The following PLCL1 variants were observed in gnomAD, a reference collection of about 807,000 sequenced individuals.
PLCL1 encodes the protein inactive phospholipase C-like protein 1.
Under a neutral mutation model 84.4 loss-of-function variants are expected in PLCL1, and 41 were observed. The observed-to-expected ratio is 0.49, with a 90% CI of 0.38 to 0.63. PLCL1 has a LOEUF of 0.63. PLCL1 is among the 30% of genes least tolerant of loss of function. The pLI is 0.00. For synonymous variants in PLCL1, 490 were observed against 488.3 expected, an observed-to-expected ratio of 1.00 and a Z score of -0.05; for missense variants, 1,206 against 1,367.8, an observed-to-expected ratio of 0.88 and a Z score of 1.87.
chr2:197,936,241 C>T (rs1689051657), intron 1 of PLCL1, among the ~76,000 whole-genome samples: 3 of 151,486 alleles, frequency 2.0e-5, no homozygotes, highest in Non-Finnish European at 4.4e-5. Context: ...GCAGATATCT[C>T]TTCAGCATAT....
At chr2:198,024,823 GCAT>G (rs893122254) in intron 1 of PLCL1, among the ~76,000 whole-genome samples, 2 of 151,264 alleles carry the variant, frequency 1.3e-5, no homozygotes, top group African/African-American at 4.8e-5. Flanking sequence ...CTTTTATGTG[GCAT>G]CATGAAAATT....
rs576164186 is a variant in PLCL1, at chr2:197,827,343, A to G, written c.240+22004A>G. On this transcript the variant is annotated intron_variant, in intron 1 of 5. Coordinates refer to ENST00000428675, the MANE Select transcript of PLCL1 (RefSeq NM_006226.4). ...CTCACATTCCAGTTTATGAGATGACACTGTGTGTATATATGCATATAAATA... is the reference window on the plus strand; with the variant it reads ...CTCACATTCCAGTTTATGAGATGACGCTGTGTGTATATATGCATATAAATA... 4.5e-4 allele frequency among the ~76,000 whole-genome samples: 68 copies of G among 152,192 alleles called. 2 individuals are homozygous for G. The South Asian group carries it at 1.0e-2, about 22-fold the overall frequency.
intron 1 of PLCL1, among the ~76,000 whole-genome samples, chr2:198,061,021 G>T (rs184193497): frequency 2.0e-5 from 3 of 152,206 alleles, no homozygotes; most frequent in Admixed American, 6.5e-5. Context: ...AGCTACTTTG[G>T]GGGTAAACAA....
intron 1 of PLCL1, among the ~76,000 whole-genome samples, chr2:197,830,834 C>T (rs1277182975): frequency 1.3e-5 from 2 of 152,170 alleles, no homozygotes; most frequent in Non-Finnish European, 2.9e-5. Context: ...TCTGCAGAAA[C>T]CATGCAAGCC....
chr2:197,814,849 A>T (rs532382014), intron 1 of PLCL1, among the ~76,000 whole-genome samples: 1 of 152,342 alleles, frequency 6.6e-6, no homozygotes, highest in East Asian at 1.9e-4. Context: ...CTTAAGCCAA[A>T]GTCTAATTCA....
At chr2:197,980,752 A>T (rs141286861) in intron 1 of PLCL1, among the ~76,000 whole-genome samples, 296 of 152,338 alleles carry the variant, frequency 1.9e-3, no homozygotes, top group African/African-American at 6.9e-3. Context: ...GATCATAGCT[A>T]ATACTATGGA....
At chr2:198,132,457 G>T (rs879581533) in intron 5 of PLCL1, among the ~76,000 whole-genome samples, 97 of 149,978 alleles carry the variant, frequency 6.5e-4, no homozygotes, top group South Asian at 1.3e-3. Context: ...GTGTTTTTTT[G>T]GGGGGGGGAG....
At position 198,095,601 on chromosome 2, in the gene PLCL1, G is replaced by A. The variant is rs374032172; in HGVS notation, c.2920-5684G>A. ...GTGCTTCAGCAGCTTACCAGCAGGA[G>A]ATGTAACCTGGTGAGGTACTACCCA... On this transcript the variant is annotated intron_variant, in intron 3 of 5. Transcript: ENST00000428675. Among the ~76,000 whole-genome samples the A allele has an allele frequency of 5.3e-5, 8 of 152,320 alleles. No individual in the cohort carries two copies. In the East Asian group the frequency reaches 1.2e-3, roughly 22 times the overall value.
chr2:197,903,503 A>G (rs1440695970), intron 1 of PLCL1, among the ~76,000 whole-genome samples: 1 of 35,392 alleles, frequency 2.8e-5, no homozygotes, highest in Non-Finnish European at 4.5e-5. Context: ...TTTTTTTTTG[A>G]GACGGAGTCT....
chr2:197,810,246 TG>T, intron 1 of PLCL1: 1 of 1,183,870 alleles, frequency 8.4e-7, no homozygotes. Flanking sequence ...ACCTTAGAAG[TG>T]GTTGCTTCTT....
At chr2:197,820,618 A>G (rs1690796747) in intron 1 of PLCL1, among the ~76,000 whole-genome samples, 1 of 152,176 alleles carries the variant, frequency 6.6e-6, no homozygotes. Flanking sequence ...CATTGGGATC[A>G]ACTGAGAATG....
In PLCL1 at chr2:197,861,768, A is replaced by G. The variant is rs557201958; in HGVS notation, c.240+56429A>G. On this transcript the variant is annotated intron_variant, in intron 1 of 5. Coordinates refer to ENST00000428675, the MANE Select transcript of PLCL1 (RefSeq NM_006226.4). ...TTGCTTGCTTGGTGTATGGGGGGGAACCCCTACCCCTACATTTGGTCACAG... is the reference window on the plus strand; with the variant it reads ...TTGCTTGCTTGGTGTATGGGGGGGAGCCCCTACCCCTACATTTGGTCACAG... Among the ~76,000 whole-genome samples, 10 of 152,120 alleles carry G rather than the reference A, an allele frequency of 6.6e-5. No homozygotes were observed. The East Asian group carries it at 7.7e-4, about 12-fold the overall frequency.
intron 1 of PLCL1, among the ~76,000 whole-genome samples, chr2:197,883,378 A>G (rs996059495): frequency 3.3e-5 from 5 of 152,182 alleles, no homozygotes; most frequent in Admixed American, 3.3e-4. Flanking sequence ...AGACACACGA[A>G]GTTTTTACTG....
intron 1 of PLCL1, among the ~76,000 whole-genome samples, chr2:197,829,457 T>A (rs1205933036): frequency 1.3e-5 from 2 of 152,198 alleles, no homozygotes; most frequent in Middle Eastern, 3.2e-3. Context: ...TATGTTGAAT[T>A]TATGCATCGT....
At chr2:197,986,219 C>A (rs1690214774) in intron 1 of PLCL1, among the ~76,000 whole-genome samples, 1 of 152,168 alleles carries the variant, frequency 6.6e-6, no homozygotes, top group Non-Finnish European at 1.5e-5. Flanking sequence ...TATGTAGAGA[C>A]CCTGGAATTA....
At chr2:198,134,765 GGAAT>G (rs1694213423) in intron 5 of PLCL1, among the ~76,000 whole-genome samples, 1 of 152,168 alleles carries the variant, frequency 6.6e-6, no homozygotes, top group Non-Finnish European at 1.5e-5. Flanking sequence ...TTGTGCCCTT[GGAAT>G]TGTGTAACAC....
intron 1 of PLCL1, among the ~76,000 whole-genome samples, chr2:197,954,227 G>T (rs1036493821): frequency 5.9e-5 from 9 of 152,100 alleles, no homozygotes; most frequent in Non-Finnish European, 1.2e-4. Flanking sequence ...TTAGAATGAG[G>T]TGACTGAGTG....
chr2:198,040,609 T>C (rs748480871), intron 1 of PLCL1, among the ~76,000 whole-genome samples: 3 of 152,126 alleles, frequency 2.0e-5, no homozygotes, highest in Non-Finnish European at 4.4e-5. Flanking sequence ...GGGAATTGCT[T>C]TCTTCTTCCA....
chr2:197,815,235 A>G (rs1405022800), intron 1 of PLCL1, among the ~76,000 whole-genome samples: 1 of 152,184 alleles, frequency 6.6e-6, no homozygotes, highest in Non-Finnish European at 1.5e-5. Flanking sequence ...CTCAATTACC[A>G]TTCTGAAAAT....
Sources: allele counts gnomAD v4.1 joint callset (sites outside exome capture counted in the v4.1 genomes callset), GRCh38; gene constraint gnomAD v4.1.1; transcripts MANE v1.5; gene names NCBI Gene and HGNC (gene_info 2026-07-23, HGNC 2026-07-21).